The following RASSF5 variants were observed in gnomAD, a reference collection of about 807,000 sequenced individuals.
RASSF5 encodes ras association domain-containing protein 5.
Under a neutral mutation model 40.5 loss-of-function variants are expected in RASSF5, and 25 were observed. The ratio of observed to expected loss-of-function variants is 0.62; its 90% CI spans 0.45 to 0.86. The LOEUF is 0.86. Ranked by LOEUF, RASSF5 falls within the 40% of genes least tolerant of loss-of-function variation. RASSF5 has a pLI of 0.00. For missense variants in RASSF5, 521 were observed against 572.8 expected (o/e 0.91, Z 0.92); for synonymous variants, 246 against 252.4 (o/e 0.97, Z 0.24).
intron 2 of RASSF5, among the ~76,000 whole-genome samples, chr1:206,555,132 A>C (rs1553401569): frequency 1.3e-5 from 2 of 152,214 alleles, no homozygotes; most frequent in Admixed American, 6.5e-5. Flanking sequence ...TCAGATTTTC[A>C]TAAGGTTTGG....
rs543862843 is a variant in RASSF5 at position 206,513,501 on chromosome 1, C to A, written c.457+5442C>A. ...GTATGATTTCCTTCTCACAAGCTTG[C>A]AGACCTGGGTCTGTGCTGGTGGCAG... is the stretch of plus-strand genomic sequence containing the variant. On this transcript the variant is annotated intron_variant, in intron 1 of 5. Transcript: ENST00000579436. The surrounding 1 kb of genome is among the most constrained non-coding windows in gnomAD (Gnocchi z 5.0). 1.5e-3 allele frequency among the ~76,000 whole-genome samples: 232 copies of A among 152,324 alleles called. 2 individuals carry two copies. Among genetic ancestry groups the A allele is most frequent in the Middle Eastern group, 6.8e-3 (2 of 294 alleles).
intron 1 of RASSF5, among the ~76,000 whole-genome samples, chr1:206,524,386 A>G (rs1285732832): frequency 1.4e-5 from 2 of 140,664 alleles, no homozygotes; most frequent in East Asian, 2.0e-4. Context: ...TACATTTTAT[A>G]TATATTATAG....
At chr1:206,577,564 T>G (rs139279340) in intron 2 of RASSF5, among the ~76,000 whole-genome samples, 1 of 152,210 alleles carries the variant, frequency 6.6e-6, no homozygotes, top group East Asian at 1.9e-4. Context: ...TAGTTAGTCA[T>G]GGGAGTCAGA....
chr1:206,529,713 A>G, intron 1 of RASSF5: 1 of 680,600 alleles, frequency 1.5e-6, no homozygotes, highest in South Asian at 1.5e-5. Flanking sequence ...TTAAATGCAC[A>G]CTGTTGAGTT....
At chr1:206,548,087 T>C (rs1667741835) in intron 2 of RASSF5, among the ~76,000 whole-genome samples, 1 of 152,240 alleles carries the variant, frequency 6.6e-6, no homozygotes, top group Admixed American at 6.5e-5. Flanking sequence ...GTTGCTTCAC[T>C]ACCTCCTCAC....
chr1:206,518,696 A>G (rs1666826529), intron 1 of RASSF5, among the ~76,000 whole-genome samples: 2 of 152,120 alleles, frequency 1.3e-5, no homozygotes, highest in South Asian at 4.1e-4. Context: ...CTCCGCAAGG[A>G]CAAAGGCACA....
At chr1:206,561,756 C>T (rs1421966756) in intron 2 of RASSF5, among the ~76,000 whole-genome samples, 1 of 149,482 alleles carries the variant, frequency 6.7e-6, no homozygotes, top group Non-Finnish European at 1.5e-5. Flanking sequence ...ACCTCTGCCT[C>T]CCAGGTTCAA....
At chr1:206,546,406 C>T (rs782586357) in intron 2 of RASSF5, among the ~76,000 whole-genome samples, 5 of 152,030 alleles carry the variant, frequency 3.3e-5, no homozygotes, top group Non-Finnish European at 5.9e-5. Flanking sequence ...CTACCGCACC[C>T]GGCCAGCTAT....
chr1:206,584,640 C>G lies in RASSF5; in HGVS notation c.944C>G (p.Pro315Arg). 6.2e-7 allele frequency: 1 copy of G among 1,614,156 alleles called. No individual in the cohort carries two copies. Among genetic ancestry groups the G allele is most frequent in the Non-Finnish European group, 8.5e-7 (1 of 1,180,040 alleles). ...LLKKFMVVDN[P>R]QKFALFKRIH... Reference sequence around the variant, plus strand: ...AAGAAGTTCATGGTTGTGGACAATCCCCAGAAGTTTGCACTTTTTAAGCGG... The same window carrying G: ...AAGAAGTTCATGGTTGTGGACAATCGCCAGAAGTTTGCACTTTTTAAGCGG... Residue 315 changes from proline (P) to arginine (R), a missense_variant, in exon 4 of 6, where the codon CCC becomes CGC. Pro to Arg is a moderately radical substitution (Grantham distance 103). This residue lies in a region of RASSF5 where 284 missense variants were observed against 360.8 expected (regional missense o/e 0.79). Transcript: ENST00000579436. The surrounding 1 kb of genome is among the most constrained non-coding windows in gnomAD (Gnocchi z 4.9).
At chr1:206,548,147 C>T (rs1269614437) in intron 2 of RASSF5, among the ~76,000 whole-genome samples, 3 of 152,186 alleles carry the variant, frequency 2.0e-5, no homozygotes, top group African/African-American at 7.2e-5. Flanking sequence ...CTCTGCTCCT[C>T]TGTATATAAC....
Position 206,508,036 on chromosome 1 carries a change from T to C in RASSF5, c.434T>C (p.Leu145Pro), listed in dbSNP as rs1553394119. 7.0e-7 allele frequency: 1 copy of C among 1,418,756 alleles called. No homozygotes were observed. Among genetic ancestry groups the C allele is most frequent in the African/African-American group, 1.5e-5 (1 of 67,778 alleles). 87.9% of individuals were successfully genotyped at this position (1,418,756 alleles called of 1,614,324 possible). ...TGTGACCTGTGCGGACGAGAGGTGC[T>C]GCGGCAGGCGCTGCGCTGCACTAGT... Reference protein sequence around the residue: ...GWCDLCGREVLRQALRCTNCK... With the variant: ...GWCDLCGREVPRQALRCTNCK... The change falls in exon 1 of 6, where the codon CTG becomes CCG. Residue 145 changes from leucine to proline, a missense_variant. Transcript: ENST00000579436.
intron 1 of RASSF5, among the ~76,000 whole-genome samples, chr1:206,518,023 T>C (rs1666802826): frequency 6.6e-6 from 1 of 152,088 alleles, no homozygotes; most frequent in Non-Finnish European, 1.5e-5. Flanking sequence ...GGGCACGTGG[T>C]GTGAGGTAAC....
Position 206,584,839 on chromosome 1 carries a change from G to A in RASSF5, c.988+155G>A, listed in dbSNP as rs1054516287. Reference sequence around the variant, plus strand: ...TGTGGTGTTCAGATCTGTGGAATCCGGGCAGGGAGGCAAGAGCAGAGTCCC... The same window carrying A: ...TGTGGTGTTCAGATCTGTGGAATCCAGGCAGGGAGGCAAGAGCAGAGTCCC... On this transcript the variant is annotated intron_variant, in intron 4 of 5. Transcript: ENST00000579436. This position sits in a 1 kb window ranked among gnomAD's most constrained non-coding sequence, Gnocchi z 4.9. 15 of 774,498 alleles carry A rather than the reference G, an allele frequency of 1.9e-5. No individual in the cohort carries two copies. Among genetic ancestry groups the A allele is most frequent in the South Asian group, 5.4e-5 (3 of 55,768 alleles). The allele number at this position is 774,498 out of a possible 1,614,324, so 48.0% of individuals were successfully genotyped here. A position where few individuals can be genotyped will look rare whatever the true frequency, so the allele number is the denominator to read the frequency against.
chr1:206,557,574 AT>A (rs1668025740), intron 2 of RASSF5: 1 of 1,613,886 alleles, frequency 6.2e-7, no homozygotes, highest in Non-Finnish European at 8.5e-7. Context: ...TCCGGGGTAG[AT>A]GACCGTGGAC....
At chr1:206,539,528 T>C (rs1384811245) in intron 2 of RASSF5, among the ~76,000 whole-genome samples, 5 of 152,226 alleles carry the variant, frequency 3.3e-5, no homozygotes, top group Non-Finnish European at 5.9e-5. Context: ...GGAAAAAGAA[T>C]TATTAGAAAG....
Position 206,583,282 on chromosome 1 carries a change from C to T in RASSF5, c.593C>T (p.Pro198Leu). ...TVTFSQNVCK[P>L]VEETQRPPTL... ...TGTCTCTTCCAGAATGTCTGTAAAC[C>T]TGTGGAGGAGACACAGCGCCCGCCC... Residue 198 changes from proline to leucine, a missense_variant, in exon 3 of 6, where the codon CCT becomes CTT. This residue lies in a region of RASSF5 where 284 missense variants were observed against 360.8 expected (regional missense o/e 0.79). Transcript: ENST00000579436. 6.2e-7 allele frequency: 1 copy of T among 1,611,006 alleles called. No individual in the cohort carries two copies. The highest frequency in any genetic ancestry group is 1.1e-5 in the South Asian group (1 of 91,022).
chr1:206,507,903 C>G lies in RASSF5; in HGVS notation c.301C>G (p.Arg101Gly), dbSNP rs782694757. Residue 101 changes from arginine (R) to glycine (G), a missense_variant, in exon 1 of 6, where the codon CGC becomes GGC. Arg to Gly is a moderately radical substitution (Grantham distance 125, BLOSUM62 -2). This residue lies in a region of RASSF5 where 237 missense variants were observed against 212.0 expected (regional missense o/e 1.12). Transcript: ENST00000579436. ...LRRRPGAPRP[R>G]DVRSIFEQPQ... ...GCGGCGGCCTGGAGCGCCCCGACCC[C>G]GCGACGTGCGGAGCATCTTCGAGCA... 24 of 1,506,288 alleles carry G rather than the reference C, an allele frequency of 1.6e-5. 1 individual carries two copies. The South Asian group carries it at 2.4e-4, about 15-fold the overall frequency. 93.3% of individuals were successfully genotyped at this position (1,506,288 alleles called of 1,614,324 possible).
intron 2 of RASSF5, among the ~76,000 whole-genome samples, chr1:206,563,852 A>G (rs1428671288): frequency 6.6e-6 from 1 of 152,206 alleles, no homozygotes; most frequent in Non-Finnish European, 1.5e-5. Flanking sequence ...CTCAGTAGAG[A>G]CAGATTCAAG....
In RASSF5 at chr1:206,587,160, C is replaced by A; in HGVS notation, c.*182C>A. ...GTTTGCACGAGGGTTCAGCTGTGCC[C>A]GCCCCCAGGCTGTGCCCCACCACAG... is the stretch of plus-strand genomic sequence containing the variant. On this transcript the variant is annotated 3_prime_UTR_variant, in exon 6 of 6. Coordinates refer to ENST00000579436, the MANE Select transcript of RASSF5 (RefSeq NM_182663.4). 1 of 670,662 alleles carries A rather than the reference C, an allele frequency of 1.5e-6. No homozygotes were observed. The highest frequency in any genetic ancestry group is 2.5e-6 in the Non-Finnish European group (1 of 393,946). The allele number at this position is 670,662 out of a possible 1,614,324, so 41.5% of individuals were successfully genotyped here. A position where few individuals can be genotyped will look rare whatever the true frequency, so the allele number is the denominator to read the frequency against.
Sources: gnomAD v4.1 joint callset for allele counts (sites outside exome capture counted in the v4.1 genomes callset) on GRCh38, gnomAD v4.1.1 for gene constraint, gnomAD v4.1.1 regional missense constraint, Gnocchi (gnomAD v3.1) non-coding constraint, MANE v1.5 for transcripts, NCBI Gene and HGNC (gene_info 2026-07-23, HGNC 2026-07-21) for gene names.